DNAH7: variants seen among roughly 807,000 people sequenced by gnomAD.
DNAH7 encodes the protein dynein axonemal heavy chain 7.
In DNAH7, 397 loss-of-function variants were observed where a neutral mutation model predicts 444.6. The ratio of observed to expected loss-of-function variants is 0.89; its 90% confidence interval spans 0.82 to 0.97. The LOEUF is 0.97. Ranked by LOEUF, DNAH7 falls within the 50% of genes least tolerant of loss-of-function variation. The probability of loss-of-function intolerance (pLI) is 0.00; values close to 1 mark genes in which losing one functional copy is unlikely to be tolerated. For missense variants in DNAH7, 4,902 were observed against 4,800.8 expected, an observed-to-expected ratio of 1.02 and a Z score of -0.62; for synonymous variants, 1,636 against 1,624.4, an observed-to-expected ratio of 1.01 and a Z score of -0.17.
intron 46 of DNAH7, 118 bp downstream of exon 46, chr2:195,853,225 A>C (rs1464807533): frequency 1.2e-6 from 1 of 864,336 alleles, no homozygotes; most frequent in East Asian, 2.9e-5. Context: ...AATCATGCAA[A>C]AATACCTTCC....
rs147704082 is a variant in DNAH7, at chr2:195,802,471, G to T, written c.10177-2999C>A. Among the ~76,000 whole-genome samples the T allele has an allele frequency of 2.5e-4, 38 of 152,242 alleles. No homozygotes were observed. In the East Asian group the frequency reaches 5.4e-3, roughly 22 times the overall value. Reference sequence around the variant, plus strand: ...GTCGAGATTATGCCACTGCACTCCAGCCTAGGCAACGAGAACGAAACTCCA... The same window carrying T: ...GTCGAGATTATGCCACTGCACTCCATCCTAGGCAACGAGAACGAAACTCCA... On this transcript the variant is annotated intron_variant, in intron 54 of 64. Transcript: ENST00000312428.
intron 10 of DNAH7, among the ~76,000 whole-genome samples, chr2:196,008,686 A>AC (rs1694534603): frequency 6.6e-6 from 1 of 152,202 alleles, no homozygotes; most frequent in African/African-American, 2.4e-5. Flanking sequence ...GGCATAAATG[A>AC]CCATATATTC....
chr2:195,904,346 G>C (rs1374899577), intron 27 of DNAH7: 1 of 151,986 alleles, frequency 6.6e-6, no homozygotes, highest in Non-Finnish European at 1.5e-5. Flanking sequence ...AGACAGGAAA[G>C]AGGAGGCTTA....
rs147007220 is a variant in DNAH7, at chr2:196,031,954, C to T, written c.399-3907G>A. Among the ~76,000 whole-genome samples the T allele has an allele frequency of 9.8e-5, 15 of 152,322 alleles. No individual in the cohort carries two copies. In the East Asian group the frequency reaches 2.5e-3, roughly 25 times the overall value. ...ACATTTTCACATATCTTTTCAGCAA[C>T]ACCCCACTATACTGGTACCAATTTA... On this transcript the variant is annotated intron_variant, in intron 5 of 64. Transcript: ENST00000312428.
intron 9 of DNAH7, among the ~76,000 whole-genome samples, chr2:196,016,994 TTATTA>T (rs1695061733): frequency 6.6e-6 from 1 of 152,158 alleles, no homozygotes; most frequent in South Asian, 2.1e-4. Flanking sequence ...GAGTGCTTTT[TTATTA>T]TTTTATTTAA....
At chr2:195,866,976 T>C (rs1700379540) in intron 40 of DNAH7, among the ~76,000 whole-genome samples, 1 of 152,224 alleles carries the variant, frequency 6.6e-6, no homozygotes, top group Non-Finnish European at 1.5e-5. Flanking sequence ...TCTGCCACCA[T>C]GTGAGAGATG....
chr2:196,034,252 C>G (rs534684526), intron 5 of DNAH7, among the ~76,000 whole-genome samples: 1 of 152,216 alleles, frequency 6.6e-6, no homozygotes, highest in Non-Finnish European at 1.5e-5. Flanking sequence ...TTTCTATATA[C>G]TGGCAAAGAA....
chr2:195,769,111 A>C (rs566722205), intron 61 of DNAH7, among the ~76,000 whole-genome samples: 221 of 152,336 alleles, frequency 1.5e-3, no homozygotes, highest in African/African-American at 5.1e-3. Context: ...AATTAGTGAA[A>C]TATGAAGAGA....
At chr2:195,881,500 A>G (rs1574653515) in intron 36 of DNAH7, among the ~76,000 whole-genome samples, 1 of 152,260 alleles carries the variant, frequency 6.6e-6, no homozygotes, top group African/African-American at 2.4e-5. Context: ...AAGAGGTATG[A>G]AATTCTCATG....
At chr2:195,956,208 C>T (rs528670606) in intron 19 of DNAH7, among the ~76,000 whole-genome samples, 1 of 152,226 alleles carries the variant, frequency 6.6e-6, no homozygotes, top group Non-Finnish European at 1.5e-5. Flanking sequence ...CAGGGTAAGA[C>T]ATTTTTAAGA....
intron 24 of DNAH7, among the ~76,000 whole-genome samples, chr2:195,911,295 ACT>A (rs1327202647): frequency 6.6e-6 from 1 of 152,236 alleles, no homozygotes; most frequent in African/African-American, 2.4e-5. Context: ...ACAATTTGAA[ACT>A]CTAGCAATAA....
At chr2:195,847,563 T>C (rs1437146151) in intron 46 of DNAH7, among the ~76,000 whole-genome samples, 1 of 151,340 alleles carries the variant, frequency 6.6e-6, no homozygotes, top group Non-Finnish European at 1.5e-5. Flanking sequence ...ACCTGGGTGA[T>C]GACATAATCT....
chr2:195,836,549 T>A (rs1263170441), intron 47 of DNAH7, among the ~76,000 whole-genome samples: 3 of 151,134 alleles, frequency 2.0e-5, no homozygotes, highest in Non-Finnish European at 2.9e-5. Context: ...ATGGGAGTCA[T>A]GGCTTCAACA....
At chr2:196,017,723 G>T (rs1171712271) in intron 9 of DNAH7, among the ~76,000 whole-genome samples, 3 of 152,076 alleles carry the variant, frequency 2.0e-5, no homozygotes, top group Non-Finnish European at 4.4e-5. Flanking sequence ...GATTGTTTAA[G>T]AAATGATGCT....
chr2:195,872,082 T>C (rs1700743421), intron 40 of DNAH7, among the ~76,000 whole-genome samples, 168 bp downstream of exon 40: 2 of 151,762 alleles, frequency 1.3e-5, no homozygotes, highest in Non-Finnish European at 2.9e-5. Flanking sequence ...TCATAAAATA[T>C]CTCAGTGTTA....
At chr2:196,044,837 G>T (rs1314495646) in intron 5 of DNAH7, among the ~76,000 whole-genome samples, 1 of 152,090 alleles carries the variant, frequency 6.6e-6, no homozygotes, top group Non-Finnish European at 1.5e-5. Context: ...AGAGGTTGAG[G>T]TAGGGGACCA....
chr2:195,827,873 G>A (rs114153173), intron 48 of DNAH7, among the ~76,000 whole-genome samples: 342 of 152,044 alleles, frequency 2.2e-3, no homozygotes, highest in Non-Finnish European at 3.8e-3. Context: ...CACTGTACCC[G>A]ACCTTCCACT....
At position 195,887,908 on chromosome 2, in the gene DNAH7, A is replaced by C. The variant is rs185851981; in HGVS notation, c.5406+350T>G. 2.0e-3 allele frequency among the ~76,000 whole-genome samples: 296 copies of C among 149,004 alleles called. 1 individual carries two copies. Among genetic ancestry groups the C allele is most frequent in the Middle Eastern group, 7.1e-3 (2 of 280 alleles). Reference sequence around the variant, plus strand: ...TTTGGGACCTCTTTCCAGTCCTTCTACCATGGACTGACTGGCTTATTTTAG... The same window carrying C: ...TTTGGGACCTCTTTCCAGTCCTTCTCCCATGGACTGACTGGCTTATTTTAG... On this transcript the variant is annotated intron_variant, in intron 33 of 64. Transcript: ENST00000312428.
At chr2:195,786,527 T>C (rs1352836338) in intron 58 of DNAH7, among the ~76,000 whole-genome samples, 2 of 152,064 alleles carry the variant, frequency 1.3e-5, no homozygotes, top group Non-Finnish European at 2.9e-5. Context: ...TCGGCTTCTT[T>C]CCACAGTCTA....
Sources: allele counts gnomAD v4.1 joint callset (sites outside exome capture counted in the v4.1 genomes callset), GRCh38; gene constraint gnomAD v4.1.1; transcripts MANE v1.5; gene names NCBI Gene and HGNC (gene_info 2026-07-23, HGNC 2026-07-21).